Variants in MAP3K21 observed in about 807,000 individuals in gnomAD.
MAP3K21 encodes the protein mitogen-activated protein kinase kinase kinase 21, also known as mitogen-activated protein kinase kinase kinase MLK4.
MAP3K21 carries 63 observed loss-of-function variants against 86.1 expected under a neutral mutation model. The ratio of observed to expected loss-of-function variants is 0.73; its 90% CI spans 0.60 to 0.90. The LOEUF (loss-of-function observed/expected upper bound fraction) is 0.90, where lower values mean the gene tolerates loss of function less well. Among genes scored for constraint, MAP3K21 ranks in the 40% least tolerant of loss-of-function variants. The pLI, the probability that MAP3K21 is intolerant of heterozygous loss-of-function variation, is 0.00. For synonymous variants in MAP3K21, 558 were observed against 564.8 expected, an observed-to-expected ratio of 0.99 and a Z score of 0.17; for missense variants, 1,220 against 1,367.7, an observed-to-expected ratio of 0.89 and a Z score of 1.70.
chr1:233,329,509 C>G (rs921077731), intron 1 of MAP3K21, among the ~76,000 whole-genome samples: 1 of 152,118 alleles, frequency 6.6e-6, no homozygotes, highest in African/African-American at 2.4e-5. Context: ...CAAAAATTAG[C>G]CCGGCGTAGT....
chr1:233,344,350 C>T (rs1377893220), intron 1 of MAP3K21, among the ~76,000 whole-genome samples: 1 of 152,120 alleles, frequency 6.6e-6, no homozygotes, highest in Admixed American at 6.5e-5. Flanking sequence ...CCTACAGTAA[C>T]CAAAACAGCA....
chr1:233,351,726 C>G (rs996933893), intron 2 of MAP3K21, among the ~76,000 whole-genome samples: 2 of 149,990 alleles, frequency 1.3e-5, no homozygotes, highest in Non-Finnish European at 3.0e-5. Flanking sequence ...TATGTATAAC[C>G]AACACTTAAG....
At chr1:233,377,942 A>G (rs1440273744) in intron 8 of MAP3K21, among the ~76,000 whole-genome samples, 1 of 152,144 alleles carries the variant, frequency 6.6e-6, no homozygotes, top group East Asian at 1.9e-4. Context: ...TCCTATGAGA[A>G]TCTAATGCTT....
intron 5 of MAP3K21, among the ~76,000 whole-genome samples, chr1:233,371,683 A>G (rs934765538): frequency 7.9e-5 from 12 of 151,936 alleles, no homozygotes; most frequent in African/African-American, 2.9e-4. Context: ...TCTCAGACTG[A>G]ATGCAGATAA....
In MAP3K21 at chr1:233,382,291, G is replaced by T; in HGVS notation, c.2705-14G>T. 1 of 1,600,968 alleles carries T rather than the reference G, an allele frequency of 6.2e-7. No individual in the cohort carries two copies. Among genetic ancestry groups the T allele is most frequent in the African/African-American group, 1.3e-5 (1 of 74,736 alleles). ...TTCTTTCTAACTGCATACTGTTTTGGCTTTCTCAACCAGCTGGTGCAACTA... is the reference window on the plus strand; with the variant it reads ...TTCTTTCTAACTGCATACTGTTTTGTCTTTCTCAACCAGCTGGTGCAACTA... On this transcript the variant is annotated splice_polypyrimidine_tract_variant and intron_variant, in intron 9 of 9. Transcript: ENST00000366624.
intron 8 of MAP3K21, 82 bp downstream of exon 8, chr1:233,376,609 C>T (rs12731651): frequency 0.035 from 32,685 of 924,684 alleles, 779 homozygotes; most frequent in Non-Finnish European, 0.041. Context: ...TACAGTCTTA[C>T]GTGGTCATTA....
chr1:233,374,669 G>T (rs1663754175), intron 6 of MAP3K21, among the ~76,000 whole-genome samples: 1 of 151,834 alleles, frequency 6.6e-6, no homozygotes, highest in Non-Finnish European at 1.5e-5. Context: ...TAGTAAGTTT[G>T]GTATCTGTGT....
chr1:233,379,656 A>G lies in MAP3K21; in HGVS notation c.2650A>G (p.Lys884Glu). 1 of 1,613,930 alleles carries G rather than the reference A, an allele frequency of 6.2e-7. No homozygotes were observed. The highest frequency in any genetic ancestry group is 8.5e-7 in the Non-Finnish European group (1 of 1,180,030). The change falls in exon 9 of 10, where the codon AAA becomes GAA. Residue 884 changes from lysine to glutamate, a missense_variant. Physicochemically the swap from Lys to Glu is moderately conservative, Grantham distance 56 (BLOSUM62 1). Transcript: ENST00000366624. The stretch of plus-strand genomic sequence containing the variant: ...GAATGTACCTTACTGTGCTTCTTCA[A>G]AACATAGACCGTCACATCACAGACG... ...CGNVPYCASS[K>E]HRPSHHRRTM...
chr1:233,375,041 A>C (rs1419396670), intron 6 of MAP3K21, among the ~76,000 whole-genome samples: 1 of 151,778 alleles, frequency 6.6e-6, no homozygotes, highest in Non-Finnish European at 1.5e-5. Flanking sequence ...ACCTGGGTTC[A>C]AGCAATTCTC....
Position 233,376,483 on chromosome 1 carries a change from AT to A in MAP3K21, c.1881del (p.Gln628ArgfsTer27), listed in dbSNP as rs1203312994. ...CCTTGGTCAACTATCTTAATAAAAA[AT>A]CAGAAAACCATGCCCTTGGCTTCAT... is the stretch of plus-strand genomic sequence containing the variant. ...NSPWSTILIK[N>X]QKTMPLASLF... On this transcript the variant is annotated frameshift_variant, in exon 8 of 10. Transcript: ENST00000366624. LOFTEE classifies it high-confidence loss of function. The A allele has an allele frequency of 6.2e-7, 1 of 1,613,908 alleles. No homozygotes were observed. Among genetic ancestry groups the A allele is most frequent in the Non-Finnish European group, 8.5e-7 (1 of 1,179,908 alleles).
Position 233,382,280 on chromosome 1 carries a change from A to G in MAP3K21, c.2705-25A>G, listed in dbSNP as rs374836002. 148 of 1,585,176 alleles carry G rather than the reference A, an allele frequency of 9.3e-5. 1 individual carries two copies. The African/African-American group carries it at 1.7e-3, about 18-fold the overall frequency. The stretch of plus-strand genomic sequence containing the variant: ...TAGAACTCATTTTCTTTCTAACTGC[A>G]TACTGTTTTGGCTTTCTCAACCAGC... On this transcript the variant is annotated intron_variant, in intron 9 of 9. Transcript: ENST00000366624.
chr1:233,328,715 G>A lies in MAP3K21; in HGVS notation c.687G>A (p.Ala229=). 7.2e-7 allele frequency: 1 copy of A among 1,386,700 alleles called. No individual in the cohort carries two copies. The highest frequency in any genetic ancestry group is 9.4e-7 in the Non-Finnish European group (1 of 1,062,890). 85.9% of individuals were successfully genotyped at this position (1,386,700 alleles called of 1,614,324 possible). A position where few individuals can be genotyped will look rare whatever the true frequency, so the allele number is the denominator to read the frequency against. Residue 229 remains alanine, a synonymous_variant, in exon 1 of 10, where the codon GCG becomes GCA. Coordinates refer to ENST00000366624, the MANE Select transcript of MAP3K21 (RefSeq NM_032435.3). This position sits in a 1 kb window ranked among gnomAD's most constrained non-coding sequence, Gnocchi z 8.7. ...PDPRAPGPRR[A]RRIPPHVLVN... ...CGCGCGCGCCCGGCCCCCGCCGCGC[G>A]CGCCGCATCCCTCCGCACGTGCTGG...
chr1:233,369,213 T>G (rs918780903), intron 5 of MAP3K21, among the ~76,000 whole-genome samples: 22 of 28,524 alleles, frequency 7.7e-4, no homozygotes, highest in South Asian at 2.3e-3. Context: ...CCGTCTCTAG[T>G]AAAATACAAA....
intron 1 of MAP3K21, among the ~76,000 whole-genome samples, chr1:233,333,007 A>AC (rs1662839796): frequency 6.6e-6 from 1 of 151,682 alleles, no homozygotes; most frequent in Non-Finnish European, 1.5e-5. Context: ...TACAACTACA[A>AC]TAGTTGTATT....
At chr1:233,337,798 G>A (rs138696152) in intron 1 of MAP3K21, among the ~76,000 whole-genome samples, 268 of 152,294 alleles carry the variant, frequency 1.8e-3, no homozygotes, top group Non-Finnish European at 2.7e-3. Context: ...TCACTACCAC[G>A]GTTCATTACT....
At chr1:233,366,180 G>C (rs1469026452) in intron 5 of MAP3K21, among the ~76,000 whole-genome samples, 1 of 152,054 alleles carries the variant, frequency 6.6e-6, no homozygotes, top group Non-Finnish European at 1.5e-5. Context: ...TGTGGTTATT[G>C]GGGTGGGAAG....
rs147033124 is a variant in MAP3K21, at chr1:233,379,318, G to A, written c.2312G>A (p.Arg771His). Residue 771 changes from arginine (R) to histidine (H), a missense_variant, in exon 9 of 10, where the codon CGC (arginine) becomes CAC (histidine). Coordinates refer to ENST00000366624, the MANE Select transcript of MAP3K21 (RefSeq NM_032435.3). ...ATCTTCCAGCGGGCTTCCAAGTCCC[G>A]CAGAAGCGCCAGTCCTCCCACAAGC... ...EGIFQRASKSRRSASPPTSLP... is the reference protein window; with the variant it reads ...EGIFQRASKSHRSASPPTSLP... The A allele has an allele frequency of 6.9e-5, 111 of 1,614,168 alleles. No homozygotes were observed. The highest frequency in any genetic ancestry group is 6.2e-4 in the Admixed American group (37 of 60,020).
chr1:233,328,711 G>A lies in MAP3K21; in HGVS notation c.683G>A (p.Arg228His). 1 of 1,369,184 alleles carries A rather than the reference G, an allele frequency of 7.3e-7. No individual in the cohort carries two copies. The highest frequency in any genetic ancestry group is 1.7e-5 in the South Asian group (1 of 58,484). The allele number at this position is 1,369,184 out of a possible 1,614,324, so 84.8% of individuals were successfully genotyped here. ...GACCCGCGCGCGCCCGGCCCCCGCC[G>A]CGCGCGCCGCATCCCTCCGCACGTG... ...APDPRAPGPR[R>H]ARRIPPHVLV... is the part of the protein sequence containing the mutation. Residue 228 changes from arginine to histidine, a missense_variant, in exon 1 of 10, where the codon CGC (arginine) becomes CAC (histidine). Physicochemically the swap from Arg to His is conservative, Grantham distance 29. This residue lies in a region of MAP3K21 where 369 missense variants were observed against 385.3 expected (regional missense o/e 0.96). Coordinates refer to ENST00000366624, the MANE Select transcript of MAP3K21 (RefSeq NM_032435.3). This position sits in a 1 kb window ranked among gnomAD's most constrained non-coding sequence, Gnocchi z 8.7.
intron 4 of MAP3K21, among the ~76,000 whole-genome samples, chr1:233,358,024 A>C (rs1283754151): frequency 6.6e-6 from 1 of 151,232 alleles, no homozygotes; most frequent in Non-Finnish European, 1.5e-5. Context: ...TGAGTCAGAC[A>C]GCCCTGTTGG....
Sources: allele counts gnomAD v4.1 joint callset (sites outside exome capture counted in the v4.1 genomes callset), GRCh38; gene constraint gnomAD v4.1.1; regional missense constraint gnomAD v4.1.1; non-coding constraint Gnocchi (gnomAD v3.1); transcripts MANE v1.5; gene names NCBI Gene and HGNC (gene_info 2026-07-23, HGNC 2026-07-21).